SMYD3: variants seen among roughly 807,000 people sequenced by gnomAD.
SMYD3 encodes the protein SET and MYND domain containing 3, also known as histone-lysine N-methyltransferase SMYD3.
Under a neutral mutation model 57.7 loss-of-function variants are expected in SMYD3, and 36 were observed. The observed-to-expected ratio is 0.62, with a 90% confidence interval of 0.48 to 0.82. SMYD3 has a LOEUF of 0.82. SMYD3 is among the 40% of genes least tolerant of loss of function. SMYD3 has a pLI of 0.00. For synonymous variants in SMYD3, 211 were observed against 195.0 expected (o/e 1.08, Z -0.68); for missense variants, 515 against 538.8 (o/e 0.96, Z 0.44).
intron 7 of SMYD3, among the ~76,000 whole-genome samples, chr1:245,916,115 C>A (rs2055398183): frequency 6.6e-6 from 1 of 151,764 alleles, no homozygotes; most frequent in Admixed American, 6.6e-5. Context: ...AATTTGGTAT[C>A]TTTGAAATGA....
intron 7 of SMYD3, among the ~76,000 whole-genome samples, chr1:245,925,219 A>G (rs981733758): frequency 1.3e-5 from 2 of 152,174 alleles, no homozygotes; most frequent in African/African-American, 4.8e-5. Context: ...AAAAATTAAT[A>G]CATAATATTT....
intron 10 of SMYD3, among the ~76,000 whole-genome samples, chr1:245,765,304 G>C (rs1015553286): frequency 6.6e-6 from 1 of 151,802 alleles, no homozygotes; most frequent in African/African-American, 2.4e-5. Context: ...CGCTGAGGTG[G>C]GAGGATCACT....
intron 1 of SMYD3, among the ~76,000 whole-genome samples, chr1:246,479,413 G>T (rs1272448925): frequency 2.0e-5 from 3 of 151,730 alleles, no homozygotes. Context: ...CTTTTGTTGA[G>T]ATTACATCTT....
chr1:246,157,577 T>C (rs866171663), intron 5 of SMYD3, among the ~76,000 whole-genome samples: 1 of 152,160 alleles, frequency 6.6e-6, no homozygotes, highest in Non-Finnish European at 1.5e-5. Context: ...TCTATATCCA[T>C]TATCAGGTCA....
At chr1:245,976,851 G>A (rs1194828318) in intron 5 of SMYD3, among the ~76,000 whole-genome samples, 1 of 37,710 alleles carries the variant, frequency 2.7e-5, no homozygotes, top group Admixed American at 2.7e-4. Context: ...GAAAGCCATC[G>A]TCTCTAGCCT....
At chr1:246,125,320 T>C (rs1420230169) in intron 5 of SMYD3, among the ~76,000 whole-genome samples, 1 of 152,208 alleles carries the variant, frequency 6.6e-6, no homozygotes, top group Admixed American at 6.5e-5. Flanking sequence ...ATGTTAATTT[T>C]ATCTGAAGAA....
At chr1:245,884,524 A>C (rs1224418283) in intron 8 of SMYD3, among the ~76,000 whole-genome samples, 2 of 152,126 alleles carry the variant, frequency 1.3e-5, no homozygotes, top group African/African-American at 2.4e-5. Flanking sequence ...TGATGTTTGC[A>C]TAGCACCTGA....
chr1:245,831,929 C>T (rs550695110), intron 10 of SMYD3, among the ~76,000 whole-genome samples: 11 of 152,314 alleles, frequency 7.2e-5, no homozygotes, highest in South Asian at 6.2e-4. Context: ...CCTAAATCAA[C>T]GGTCAAAGAG....
At chr1:245,931,743 A>G (rs553941099) in intron 5 of SMYD3, among the ~76,000 whole-genome samples, 3 of 152,340 alleles carry the variant, frequency 2.0e-5, no homozygotes, top group African/African-American at 4.8e-5. Flanking sequence ...GAATTTCTCA[A>G]ATCAGGTTTA....
chr1:245,792,344 C>T (rs2047313676), intron 10 of SMYD3, among the ~76,000 whole-genome samples: 1 of 152,164 alleles, frequency 6.6e-6, no homozygotes, highest in Admixed American at 6.5e-5. Context: ...TAGTACACTG[C>T]AAAACTGCTC....
chr1:246,340,811 A>AT (rs1379737325), intron 2 of SMYD3, among the ~76,000 whole-genome samples: 1 of 152,000 alleles, frequency 6.6e-6, no homozygotes. Flanking sequence ...ATAAAAAAAA[A>AT]TTTTTTTTAG....
intron 5 of SMYD3, among the ~76,000 whole-genome samples, chr1:246,233,934 T>C (rs1227290745): frequency 3.8e-5 from 5 of 132,188 alleles, no homozygotes; most frequent in African/African-American, 5.6e-5. Context: ...CTCCTTCAAT[T>C]CACACTGTGA....
intron 5 of SMYD3, among the ~76,000 whole-genome samples, chr1:246,060,067 C>G (rs983188494): frequency 6.6e-6 from 1 of 152,100 alleles, no homozygotes; most frequent in African/African-American, 2.4e-5. Context: ...GGAAGGATCA[C>G]TTGAGCTCAG....
At chr1:245,941,503 G>C (rs1279587292) in intron 5 of SMYD3, among the ~76,000 whole-genome samples, 2 of 152,106 alleles carry the variant, frequency 1.3e-5, no homozygotes, top group East Asian at 3.9e-4. Flanking sequence ...AGAGATTAGG[G>C]ATCAATATTC....
chr1:246,049,346 G>A (rs1021592196), intron 5 of SMYD3, among the ~76,000 whole-genome samples: 2 of 152,102 alleles, frequency 1.3e-5, no homozygotes, highest in African/African-American at 4.8e-5. Context: ...GCCCAGGCTG[G>A]AGTGCAGGGG....
chr1:246,065,873 T>C (rs1371509839), intron 5 of SMYD3, among the ~76,000 whole-genome samples: 1 of 152,364 alleles, frequency 6.6e-6, no homozygotes, highest in Non-Finnish European at 1.5e-5. Flanking sequence ...TATAGCCACG[T>C]AGAGTTCACT....
chr1:245,872,700 C>T (rs1225246383), intron 8 of SMYD3, among the ~76,000 whole-genome samples: 1 of 152,164 alleles, frequency 6.6e-6, no homozygotes, highest in Non-Finnish European at 1.5e-5. Context: ...TGCCAAATGC[C>T]CATTTAGCTT....
intron 1 of SMYD3, among the ~76,000 whole-genome samples, chr1:246,443,069 A>G (rs1345287440): frequency 6.6e-6 from 1 of 152,142 alleles, no homozygotes; most frequent in African/African-American, 2.4e-5. Flanking sequence ...GATTTTGTAT[A>G]TTCCTTCCAG....
At chr1:246,440,814 T>C (rs1038254465) in intron 1 of SMYD3, among the ~76,000 whole-genome samples, 3 of 152,186 alleles carry the variant, frequency 2.0e-5, no homozygotes, top group Non-Finnish European at 4.4e-5. Flanking sequence ...CCAAGCTCCA[T>C]GGATTGGGGC....
Sources: gnomAD v4.1 joint callset for allele counts (sites outside exome capture counted in the v4.1 genomes callset) on GRCh38, gnomAD v4.1.1 for gene constraint, MANE v1.5 for transcripts, NCBI Gene and HGNC (gene_info 2026-07-23, HGNC 2026-07-21) for gene names.